Variants in RBMS2 observed in about 807,000 individuals in gnomAD.
RBMS2 encodes the protein RNA-binding motif, single-stranded-interacting protein 2.
Under a neutral mutation model 58.4 loss-of-function variants are expected in RBMS2, and 38 were observed. That is an observed-to-expected ratio of 0.65 (90% confidence interval 0.50 to 0.85). The LOEUF (loss-of-function observed/expected upper bound fraction) is 0.85. Ranked by LOEUF, RBMS2 falls within the 40% of genes least tolerant of loss-of-function variation. RBMS2 has a pLI of 0.00. For synonymous variants in RBMS2, 151 were observed against 180.7 expected (o/e 0.84, Z 1.32); for missense variants, 367 against 503.7 (o/e 0.73, Z 2.60).
chr12:56,595,718 G>A lies in RBMS2; in HGVS notation c.*6585G>A, dbSNP rs1032745620. On this transcript the variant is annotated 3_prime_UTR_variant, in exon 14 of 14. Coordinates refer to ENST00000262031, the MANE Select transcript of RBMS2 (RefSeq NM_002898.4). ...GCTGGGGCCACATCTCACAAGGCAGGACCTGGATGCACTGAATCCCCCTTT... is the reference window on the plus strand; with the variant it reads ...GCTGGGGCCACATCTCACAAGGCAGAACCTGGATGCACTGAATCCCCCTTT... 1 of 152,434 alleles carries A rather than the reference G, an allele frequency of 6.6e-6. No individual in the cohort carries two copies. The highest frequency in any genetic ancestry group is 2.4e-5 in the African/African-American group (1 of 41,410). 9.4% of individuals were successfully genotyped at this position (152,434 alleles called of 1,614,324 possible).
chr12:56,565,399 A>C (rs1342284289), intron 2 of RBMS2, among the ~76,000 whole-genome samples: 1 of 152,118 alleles, frequency 6.6e-6, no homozygotes, highest in African/African-American at 2.4e-5. Context: ...TCTTAGAAGA[A>C]AGACTTTTTT....
In RBMS2 at chr12:56,589,327, T is replaced by A; in HGVS notation, c.*194T>A. On this transcript the variant is annotated 3_prime_UTR_variant, in exon 14 of 14. Transcript: ENST00000262031. ...CTACGTTCCTGCCCTTTACTATTGC[T>A]GATGGAGCCTGGGGGAACCATCACT... 2 of 1,287,450 alleles carry A rather than the reference T, an allele frequency of 1.6e-6. No individual in the cohort carries two copies. The highest frequency in any genetic ancestry group is 2.7e-5 in the South Asian group (2 of 73,910). The allele number at this position is 1,287,450 out of a possible 1,614,324, so 79.8% of individuals were successfully genotyped here. A position where few individuals can be genotyped will look rare whatever the true frequency, so the allele number is the denominator to read the frequency against.
intron 1 of RBMS2, among the ~76,000 whole-genome samples, chr12:56,531,366 C>G (rs1403918421): frequency 1.3e-5 from 2 of 152,052 alleles, no homozygotes; most frequent in Non-Finnish European, 2.9e-5. Flanking sequence ...AGGAAGGAAG[C>G]ATTATGTTCT....
At chr12:56,552,449 G>A (rs1198015778) in intron 1 of RBMS2, among the ~76,000 whole-genome samples, 4 of 152,288 alleles carry the variant, frequency 2.6e-5, no homozygotes, top group Middle Eastern at 6.8e-3. Context: ...GAAGACACCC[G>A]TGTGGAAAGG....
intron 4 of RBMS2, among the ~76,000 whole-genome samples, chr12:56,570,618 C>T (rs1350768256): frequency 1.3e-5 from 2 of 152,200 alleles, no homozygotes; most frequent in Admixed American, 6.5e-5. Context: ...CGCTCTGTCG[C>T]CCCGGCTGGA....
rs562554460 is a variant in RBMS2 at position 56,580,802 on chromosome 12, A to C, written c.543-382A>C. ...AAGGAGCAAAAAATAAATATTGGCA[A>C]ATTCTTAGCTTGTACAATTTTATCA... On this transcript the variant is annotated intron_variant, in intron 5 of 13. Coordinates refer to ENST00000262031, the MANE Select transcript of RBMS2 (RefSeq NM_002898.4). Among the ~76,000 whole-genome samples the C allele has an allele frequency of 3.9e-5, 6 of 152,368 alleles. No homozygotes were observed. The South Asian group carries it at 6.2e-4, about 16-fold the overall frequency.
intron 1 of RBMS2, among the ~76,000 whole-genome samples, chr12:56,523,949 T>G (rs1690815862): frequency 6.6e-6 from 1 of 152,146 alleles, no homozygotes; most frequent in Non-Finnish European, 1.5e-5. Context: ...CATGTGAAAA[T>G]TTCTTTCCTG....
chr12:56,589,357 T>C lies in RBMS2; in HGVS notation c.*224T>C, dbSNP rs1885134263. ...GAGCCTGGGGGAACCATCACTTTTT[T>C]TGTGTGCTACATTCAAGGAGATCAA... On this transcript the variant is annotated 3_prime_UTR_variant, in exon 14 of 14. Transcript: ENST00000262031. 4 of 1,201,910 alleles carry C rather than the reference T, an allele frequency of 3.3e-6. No individual in the cohort carries two copies. The highest frequency in any genetic ancestry group is 4.2e-6 in the Non-Finnish European group (4 of 943,146). 74.5% of individuals were successfully genotyped at this position (1,201,910 alleles called of 1,614,324 possible).
intron 1 of RBMS2, among the ~76,000 whole-genome samples, chr12:56,550,083 G>A (rs1159932129): frequency 1.3e-5 from 2 of 152,116 alleles, no homozygotes; most frequent in African/African-American, 4.8e-5. Flanking sequence ...ATACTATGGT[G>A]GATTTCATAA....
intron 1 of RBMS2, among the ~76,000 whole-genome samples, chr12:56,556,575 A>G (rs1879276556): frequency 6.6e-6 from 1 of 151,910 alleles, no homozygotes; most frequent in African/African-American, 2.4e-5. Flanking sequence ...AGGGTTTCAC[A>G]ACGTTGGCCA....
chr12:56,587,869 CT>C (rs1277439821), intron 11 of RBMS2, among the ~76,000 whole-genome samples: 13 of 152,188 alleles, frequency 8.5e-5, no homozygotes, highest in Non-Finnish European at 1.9e-4. Context: ...CCCCTTTTAA[CT>C]GATTCCTACT....
At chr12:56,575,391 C>T (rs1882959483) in intron 5 of RBMS2, among the ~76,000 whole-genome samples, 1 of 151,894 alleles carries the variant, frequency 6.6e-6, no homozygotes. Context: ...CAACCATGAT[C>T]ACACCACTGC....
At chr12:56,588,434 C>A in intron 12 of RBMS2, 60 bp downstream of exon 12, 1 of 1,441,218 alleles carries the variant, frequency 6.9e-7, no homozygotes, top group South Asian at 1.1e-5. Flanking sequence ...GCAGGTTTCC[C>A]CCTGATCAAG....
chr12:56,576,904 G>A (rs1205666041), intron 5 of RBMS2, among the ~76,000 whole-genome samples: 2 of 151,606 alleles, frequency 1.3e-5, no homozygotes, highest in Non-Finnish European at 1.5e-5. Context: ...AGCTAGGTGT[G>A]TTGGTGGGCA....
chr12:56,529,593 C>A, intron 1 of RBMS2, among the ~76,000 whole-genome samples: 1 of 150,642 alleles, frequency 6.6e-6, no homozygotes, highest in Non-Finnish European at 1.5e-5. Flanking sequence ...ACAACAACAA[C>A]AAAACAAATC....
chr12:56,582,146 G>A lies in RBMS2; in HGVS notation c.867G>A (p.Ser289=), dbSNP rs61617845. The change falls in exon 9 of 14, where the codon TCG becomes TCA. Residue 289 remains serine, a synonymous_variant. Coordinates refer to ENST00000262031, the MANE Select transcript of RBMS2 (RefSeq NM_002898.4). ...CATACCTTTCCTCTCCTGTGTCTTC[G>A]TATCAGGTATGTTCATGCCTGAAAA... ...LSPYLSSPVS[S]YQRVTQTSPL... 2.9e-5 allele frequency: 46 copies of A among 1,601,584 alleles called. No individual in the cohort carries two copies. Among genetic ancestry groups the A allele is most frequent in the East Asian group, 6.7e-5 (3 of 44,768 alleles).
rs767797932 is a variant in RBMS2, at chr12:56,588,990, A to G, written c.1202A>G (p.Tyr401Cys). 75 of 1,614,072 alleles carry G rather than the reference A, an allele frequency of 4.6e-5. No homozygotes were observed. The highest frequency in any genetic ancestry group is 5.8e-5 in the Non-Finnish European group (69 of 1,180,040). ...GACGCACCCTCAGAGCATGGGGTCT[A>G]TTCTTTCCAGTTCAACAAGTAACAG... ...AVDAPSEHGV[Y>C]SFQFNK The change falls in exon 13 of 14, where the codon TAT becomes TGT. Residue 401 changes from tyrosine to cysteine, a missense_variant. By Grantham distance (194) the Tyr-to-Cys change is radical. Transcript: ENST00000262031.
intron 4 of RBMS2, among the ~76,000 whole-genome samples, chr12:56,570,655 G>A (rs1471826637): frequency 2.6e-5 from 4 of 152,202 alleles, no homozygotes; most frequent in Non-Finnish European, 5.9e-5. Flanking sequence ...TCGGCTCACT[G>A]CAAGCTGCAC....
intron 1 of RBMS2, among the ~76,000 whole-genome samples, chr12:56,553,395 C>T (rs909972577): frequency 6.6e-6 from 1 of 152,006 alleles, no homozygotes; most frequent in African/African-American, 2.4e-5. Context: ...GTGGTGTGAT[C>T]TCTACTCACT....
Sources: gnomAD v4.1 joint callset for allele counts (sites outside exome capture counted in the v4.1 genomes callset) on GRCh38, gnomAD v4.1.1 for gene constraint, MANE v1.5 for transcripts, NCBI Gene and HGNC (gene_info 2026-07-23, HGNC 2026-07-21) for gene names.